CCDC126: variants seen among roughly 807,000 people sequenced by gnomAD.
CCDC126 encodes coiled-coil domain containing 126.
CCDC126 carries 5 observed loss-of-function variants against 11.7 expected under a neutral mutation model. The ratio of observed to expected loss-of-function variants is 0.43; its 90% CI spans 0.22 to 0.90. The LOEUF is 0.90. Ranked by LOEUF, CCDC126 falls within the 40% of genes least tolerant of loss-of-function variation. CCDC126 has a pLI of 0.27. For synonymous variants in CCDC126, 60 were observed against 61.9 expected (o/e 0.97, Z 0.14); for missense variants, 150 against 163.1 (o/e 0.92, Z 0.44).
At chr7:23,636,556 C>T (rs1783219166) in intron 3 of CCDC126, among the ~76,000 whole-genome samples, 1 of 131,044 alleles carries the variant, frequency 7.6e-6, no homozygotes, top group Non-Finnish European at 1.6e-5. Context: ...GGCCGCAACC[C>T]TGTCTGGGAG....
At chr7:23,605,092 T>A (rs1030779206) in intron 2 of CCDC126, among the ~76,000 whole-genome samples, 2 of 151,812 alleles carry the variant, frequency 1.3e-5, no homozygotes, top group East Asian at 3.9e-4. Flanking sequence ...TTTGAAGCGA[T>A]GACATTTGAA....
chr7:23,638,304 T>A (rs1783280960), intron 3 of CCDC126, among the ~76,000 whole-genome samples: 1 of 147,058 alleles, frequency 6.8e-6, no homozygotes, highest in South Asian at 2.2e-4. Context: ...AATTGAGAAA[T>A]CGGATGGTTG....
intron 3 of CCDC126, among the ~76,000 whole-genome samples, chr7:23,614,993 A>T (rs1040086730): frequency 4.6e-5 from 7 of 152,216 alleles, no homozygotes; most frequent in African/African-American, 1.7e-4. Context: ...AAGTCACCAG[A>T]TGCATTACCC....
Position 23,644,380 on chromosome 7 carries a change from T to C in CCDC126, c.*1265T>C, listed in dbSNP as rs555900127. On this transcript the variant is annotated 3_prime_UTR_variant, in exon 4 of 4. Coordinates refer to ENST00000307471, the MANE Select transcript of CCDC126 (RefSeq NM_138771.4). ...CCTATATTTCATAGTATTTATTCTC[T>C]ATAGTAACTGCTTAAGTGCAGCTAG... The C allele has an allele frequency of 2.0e-5, 3 of 152,688 alleles. No homozygotes were observed. In the East Asian group the frequency reaches 5.8e-4, roughly 29 times the overall value. 9.5% of individuals were successfully genotyped at this position (152,688 alleles called of 1,614,324 possible). A position where few individuals can be genotyped will look rare whatever the true frequency, so the allele number is the denominator to read the frequency against.
chr7:23,623,529 G>A (rs1307856874), intron 3 of CCDC126, among the ~76,000 whole-genome samples: 1 of 150,966 alleles, frequency 6.6e-6, no homozygotes, highest in Non-Finnish European at 1.5e-5. Context: ...CCAGAAGGCA[G>A]AGGTTGTGGT....
intron 3 of CCDC126, among the ~76,000 whole-genome samples, chr7:23,640,201 A>G (rs1783329379): frequency 6.8e-6 from 1 of 146,996 alleles, no homozygotes; most frequent in South Asian, 2.2e-4. Context: ...TAATAATAAT[A>G]AAATAAAATC....
rs1194650491 is a variant in CCDC126 at position 23,599,505 on chromosome 7, G to GTT, written c.-146+1455_-146+1456dup. On this transcript the variant is annotated intron_variant, in intron 2 of 3. Coordinates refer to ENST00000307471, the MANE Select transcript of CCDC126 (RefSeq NM_138771.4). Reference sequence around the variant, plus strand: ...ATGTATATGTATATATATAGGTTTTGTTGTTTTTTTTTTTTGAGACAGAGT... The same window carrying GTT: ...ATGTATATGTATATATATAGGTTTTGTTTTGTTTTTTTTTTTTGAGACAGAGT... 1.1e-4 allele frequency among the ~76,000 whole-genome samples: 16 copies of GTT among 151,486 alleles called. 1 individual carries two copies. The highest frequency in any genetic ancestry group is 2.1e-4 in the South Asian group (1 of 4,786).
At chr7:23,627,350 A>G (rs983124988) in intron 3 of CCDC126, among the ~76,000 whole-genome samples, 1 of 143,080 alleles carries the variant, frequency 7.0e-6, no homozygotes, top group African/African-American at 2.7e-5. Flanking sequence ...CCCTGGCTCT[A>G]AAAAAAAAAG....
At chr7:23,637,496 C>A (rs1584218820) in intron 3 of CCDC126, among the ~76,000 whole-genome samples, 3 of 85,316 alleles carry the variant, frequency 3.5e-5, no homozygotes, top group African/African-American at 1.4e-4. Context: ...GTCAGCCCCC[C>A]GCCCGGCCAG....
chr7:23,614,582 A>G (rs1466684789), intron 3 of CCDC126, among the ~76,000 whole-genome samples: 1 of 152,200 alleles, frequency 6.6e-6, no homozygotes, highest in African/African-American at 2.4e-5. Context: ...GAAGGCTTTC[A>G]GTTTACTTTG....
chr7:23,616,209 A>G (rs777056049), intron 3 of CCDC126, among the ~76,000 whole-genome samples: 18 of 152,176 alleles, frequency 1.2e-4, no homozygotes, highest in Non-Finnish European at 2.5e-4. Flanking sequence ...CAGACACATT[A>G]GGTATTTTAG....
intron 3 of CCDC126, among the ~76,000 whole-genome samples, chr7:23,633,299 G>C (rs982411024): frequency 4.6e-5 from 7 of 152,152 alleles, no homozygotes; most frequent in African/African-American, 1.7e-4. Flanking sequence ...GCCCTGCCTT[G>C]CAATCTTAAG....
At chr7:23,639,029 T>C (rs909636315) in intron 3 of CCDC126, among the ~76,000 whole-genome samples, 63 of 151,938 alleles carry the variant, frequency 4.1e-4, no homozygotes, top group Non-Finnish European at 7.4e-4. Context: ...GTTTACCAAA[T>C]ACTATTGCAA....
chr7:23,601,065 A>G (rs1782532860), intron 2 of CCDC126, among the ~76,000 whole-genome samples: 1 of 151,672 alleles, frequency 6.6e-6, no homozygotes. Context: ...TAAAAAAAAA[A>G]AAAAAGACTC....
rs997063263 is a variant in CCDC126 at position 23,641,170 on chromosome 7, C to T, written c.239-1761C>T. Among the ~76,000 whole-genome samples the T allele has an allele frequency of 2.0e-5, 3 of 152,034 alleles. No individual in the cohort carries two copies. In the East Asian group the frequency reaches 5.8e-4, roughly 29 times the overall value. The stretch of plus-strand genomic sequence containing the variant: ...CAGTTTCTCTGCATCCTTGCCAACA[C>T]TTATTTTCCATTTCTTTGATGATAG... On this transcript the variant is annotated intron_variant, in intron 3 of 3. Coordinates refer to ENST00000307471, the MANE Select transcript of CCDC126 (RefSeq NM_138771.4).
intron 2 of CCDC126, among the ~76,000 whole-genome samples, chr7:23,598,843 T>C (rs916499320): frequency 6.6e-6 from 1 of 152,250 alleles, no homozygotes; most frequent in African/African-American, 2.4e-5. Context: ...TGTCACTATC[T>C]GTGTAACCTG....
At chr7:23,628,007 A>C (rs1783043568) in intron 3 of CCDC126, among the ~76,000 whole-genome samples, 1 of 152,214 alleles carries the variant, frequency 6.6e-6, no homozygotes, top group Non-Finnish European at 1.5e-5. Context: ...CCAAGATTAA[A>C]ATTTCTTTAA....
chr7:23,615,773 A>G (rs895254879), intron 3 of CCDC126, among the ~76,000 whole-genome samples: 2 of 152,346 alleles, frequency 1.3e-5, no homozygotes, highest in Middle Eastern at 3.4e-3. Context: ...AGCAGTCAGA[A>G]CACATGTAAC....
At chr7:23,606,493 G>C (rs1393710791) in intron 2 of CCDC126, among the ~76,000 whole-genome samples, 1 of 152,168 alleles carries the variant, frequency 6.6e-6, no homozygotes, top group Non-Finnish European at 1.5e-5. Context: ...GATTGAAGTA[G>C]GGTTGGAGAG....
Sources: allele counts gnomAD v4.1 joint callset (sites outside exome capture counted in the v4.1 genomes callset), GRCh38; gene constraint gnomAD v4.1.1; transcripts MANE v1.5; gene names NCBI Gene and HGNC (gene_info 2026-07-23, HGNC 2026-07-21).